The following ERG variants were observed in gnomAD, a reference collection of about 807,000 sequenced individuals.
ERG encodes transcriptional regulator ERG.
ERG carries 9 observed loss-of-function variants against 55.3 expected under a neutral mutation model. The ratio of observed to expected loss-of-function variants is 0.16; its 90% CI spans 0.10 to 0.28. ERG has a LOEUF of 0.28. Among genes scored for constraint, ERG ranks in the 10% least tolerant of loss-of-function variants. ERG has a pLI of 1.00. For missense variants in ERG, 434 were observed against 631.6 expected (o/e 0.69, Z 3.35); for synonymous variants, 223 against 237.3 (o/e 0.94, Z 0.55).
intron 2 of ERG, among the ~76,000 whole-genome samples, chr21:38,536,371 T>C (rs2059710558): frequency 6.6e-6 from 1 of 152,146 alleles, no homozygotes; most frequent in African/African-American, 2.4e-5. Context: ...AGAAGAGTCA[T>C]TCCATCCCAG....
intron 2 of ERG, among the ~76,000 whole-genome samples, chr21:38,520,647 C>T (rs377721790): frequency 4.6e-5 from 7 of 152,102 alleles, no homozygotes; most frequent in Non-Finnish European, 8.8e-5. Context: ...CAAGCTAAGA[C>T]GCTACCGCAT....
rs370288554 is a variant in ERG, at chr21:38,459,802, G to A, written c.19-14181C>T. On this transcript the variant is annotated intron_variant, in intron 1 of 9. Transcript: ENST00000288319. ...TTAGAAACTTGTCTAGCTGCTTCTA[G>A]ATTACATCCATGACCCAAAACCACA... is the stretch of plus-strand genomic sequence containing the variant. Among the ~76,000 whole-genome samples the A allele has an allele frequency of 6.6e-5, 10 of 152,298 alleles. No homozygotes were observed. In the East Asian group the frequency reaches 1.2e-3, roughly 18 times the overall value.
chr21:38,466,181 G>A (rs1382948790), intron 1 of ERG, among the ~76,000 whole-genome samples: 1 of 152,048 alleles, frequency 6.6e-6, no homozygotes, highest in African/African-American at 2.4e-5. Flanking sequence ...TTATATTCTT[G>A]TCTTGTTGTT....
At chr21:38,602,311 G>T (rs376935513) in intron 1 of ERG, among the ~76,000 whole-genome samples, 1 of 151,910 alleles carries the variant, frequency 6.6e-6, no homozygotes, top group Admixed American at 6.6e-5. Context: ...TGGGCATGGC[G>T]ATGGGTGCCT....
At chr21:38,499,226 C>T (rs2059403082), upstream of ERG, among the ~76,000 whole-genome samples, 1 of 152,146 alleles carries the variant, frequency 6.6e-6, no homozygotes, top group African/African-American at 2.4e-5. Flanking sequence ...GTGAGCTGGT[C>T]TCACTCTGAC....
At chr21:38,392,765 T>C (rs12106415) in intron 6 of ERG, among the ~76,000 whole-genome samples, 2 of 152,212 alleles carry the variant, frequency 1.3e-5, no homozygotes, top group African/African-American at 4.8e-5. Context: ...CTGCTTCCAC[T>C]GGGACTGATC....
At chr21:38,581,203 A>G (rs1427531931) in intron 1 of ERG, among the ~76,000 whole-genome samples, 1 of 152,156 alleles carries the variant, frequency 6.6e-6, no homozygotes, top group Non-Finnish European at 1.5e-5. Flanking sequence ...TGGGGCCTAG[A>G]AGGCATAGGC....
At chr21:38,626,282 T>G (rs1455960735) in intron 1 of ERG, among the ~76,000 whole-genome samples, 1 of 152,122 alleles carries the variant, frequency 6.6e-6, no homozygotes, top group Non-Finnish European at 1.5e-5. Context: ...GAATTCTGAG[T>G]CACCTGCAAA....
At chr21:38,469,335 T>C (rs2059120476) in intron 1 of ERG, among the ~76,000 whole-genome samples, 1 of 152,192 alleles carries the variant, frequency 6.6e-6, no homozygotes, top group African/African-American at 2.4e-5. Flanking sequence ...TTACAAGACA[T>C]GAGTAGTCTA....
intron 2 of ERG, among the ~76,000 whole-genome samples, chr21:38,533,286 T>C (rs933941752): frequency 3.3e-5 from 5 of 152,132 alleles, no homozygotes; most frequent in South Asian, 2.1e-4. Flanking sequence ...CATTCTCTTA[T>C]GTAAATACAA....
intron 1 of ERG, among the ~76,000 whole-genome samples, chr21:38,644,403 G>C (rs2060443837): frequency 6.6e-6 from 1 of 152,148 alleles, no homozygotes; most frequent in Admixed American, 6.5e-5. Context: ...ACTTTTCCTG[G>C]CTTCCACTTG....
rs1406771416 is a variant in ERG at position 38,583,258 on chromosome 21, T to C, written c.-127+1586A>G. Among the ~76,000 whole-genome samples, 6 of 152,272 alleles carry C rather than the reference T, an allele frequency of 3.9e-5. No homozygotes were observed. The South Asian group carries it at 8.3e-4, about 21-fold the overall frequency. On this transcript the variant is annotated intron_variant, in intron 1 of 8. Coordinates refer to the ERG transcript ENST00000398897. ...CAGGCCCCTGACTGGGGCAGAGGCCTCCCTTATGGGGCAGGAAGAAGGAGG... is the reference window on the plus strand; with the variant it reads ...CAGGCCCCTGACTGGGGCAGAGGCCCCCCTTATGGGGCAGGAAGAAGGAGG...
chr21:38,633,159 A>C (rs191445594), intron 1 of ERG, among the ~76,000 whole-genome samples: 1 of 152,354 alleles, frequency 6.6e-6, no homozygotes, highest in Non-Finnish European at 1.5e-5. Flanking sequence ...TTCTAGTTAT[A>C]TAATGTATCT....
At chr21:38,546,746 G>A (rs1468628588) in intron 2 of ERG, among the ~76,000 whole-genome samples, 1 of 152,172 alleles carries the variant, frequency 6.6e-6, no homozygotes, top group African/African-American at 2.4e-5. Context: ...AGAGGTATCT[G>A]CTCCTGGCCT....
At chr21:38,578,378 C>T (rs2836536) in intron 1 of ERG, among the ~76,000 whole-genome samples, 13,845 of 152,258 alleles carry the variant, frequency 0.091, 756 homozygotes, top group Admixed American at 0.17. Context: ...GGTTCCAACA[C>T]TCAACTCCTC....
chr21:38,653,871 T>C (rs916092580), intron 1 of ERG, among the ~76,000 whole-genome samples: 1 of 152,220 alleles, frequency 6.6e-6, no homozygotes, highest in African/African-American at 2.4e-5. Flanking sequence ...TTAAGACCCA[T>C]AAAGAACAAT....
chr21:38,618,008 A>C (rs899661525), intron 1 of ERG, among the ~76,000 whole-genome samples: 3 of 152,170 alleles, frequency 2.0e-5, no homozygotes, highest in Non-Finnish European at 4.4e-5. Context: ...TAAAAGAATG[A>C]ATAAGGGGTA....
intron 6 of ERG, among the ~76,000 whole-genome samples, chr21:38,395,071 T>TTC (rs1297669183): frequency 2.6e-5 from 4 of 152,240 alleles, no homozygotes; most frequent in African/African-American, 9.6e-5. Flanking sequence ...CAGTCTACTT[T>TTC]TCAGCCAAGT....
At chr21:38,526,808 C>T (rs1456828345) in intron 2 of ERG, among the ~76,000 whole-genome samples, 1 of 152,022 alleles carries the variant, frequency 6.6e-6, no homozygotes, top group Non-Finnish European at 1.5e-5. Context: ...GAATAAAATA[C>T]ACCGGTATGA....
Sources: gnomAD v4.1 joint callset for allele counts (sites outside exome capture counted in the v4.1 genomes callset) on GRCh38, gnomAD v4.1.1 for gene constraint, MANE v1.5 for transcripts, NCBI Gene and HGNC (gene_info 2026-07-23, HGNC 2026-07-21) for gene names.